Variants in MUC22 observed in about 807,000 individuals in gnomAD.
MUC22 encodes mucin 22, also known as mucin-22.
A neutral mutation model predicts 40.3 loss-of-function variants in MUC22; 24 were observed. The ratio of observed to expected loss-of-function variants is 0.60; its 90% CI spans 0.43 to 0.84. The LOEUF (loss-of-function observed/expected upper bound fraction) is 0.84. Among genes scored for constraint, MUC22 ranks in the 40% least tolerant of loss-of-function variants. The probability of loss-of-function intolerance (pLI) is 0.00; values close to 1 mark genes in which losing one functional copy is unlikely to be tolerated. For synonymous variants in MUC22, 765 were observed against 844.5 expected (o/e 0.91, Z 1.63); for missense variants, 1,926 against 2,130.7 (o/e 0.90, Z 1.89).
At chr6:31,033,292 TGAGA>T (rs1766209367) in intron 3 of MUC22, among the ~76,000 whole-genome samples, 1 of 132,186 alleles carries the variant, frequency 7.6e-6, no homozygotes, top group African/African-American at 2.9e-5. Context: ...AGAAAGAAAC[TGAGA>T]GAGAAAGAGA....
At chr6:31,027,917 C>T in exon 2 of MUC22, 1 of 1,535,090 alleles carries the variant, frequency 6.5e-7, no homozygotes, top group African/African-American at 1.4e-5. Flanking sequence ...ACCACAGACT[C>T]TACTGAAGGC....
chr6:31,018,714 T>C (rs9262493), intron 1 of MUC22, among the ~76,000 whole-genome samples: 22,106 of 152,340 alleles, frequency 0.15, 1,760 homozygotes, highest in African/African-American at 0.19. Context: ...CACTTCCATA[T>C]TGTCTCTGAA....
chr6:31,025,647 C>A lies in MUC22; in HGVS notation c.216C>A (p.Gly72=), dbSNP rs1312309382. 2.0e-6 allele frequency: 3 copies of A among 1,532,990 alleles called. No homozygotes were observed. The African/African-American group carries it at 4.1e-5, about 21-fold the overall frequency. The allele number at this position is 1,532,990 out of a possible 1,614,324, so 95.0% of individuals were successfully genotyped here. A position where few individuals can be genotyped will look rare whatever the true frequency, so the allele number is the denominator to read the frequency against. Residue 72 remains glycine (G), a synonymous_variant, in exon 2 of 4, where the codon GGC becomes GGA. Coordinates refer to ENST00000561890, the Ensembl canonical transcript of MUC22. Reference sequence around the variant, plus strand: ...AGATCACCACAGACTCTACCACAGGCTCTGAGACAACCTCAGCCTCCACCA... The same window carrying A: ...AGATCACCACAGACTCTACCACAGGATCTGAGACAACCTCAGCCTCCACCA...
At chr6:31,027,806 G>T (rs1324065470) in exon 2 of MUC22, 2 of 1,533,752 alleles carry the variant, frequency 1.3e-6, no homozygotes, top group Non-Finnish European at 8.7e-7. Context: ...TCCACCACAG[G>T]CTCTGAGACC....
exon 4 of MUC22, chr6:31,035,082 T>A: frequency 2.3e-6 from 2 of 884,250 alleles, no homozygotes; most frequent in Non-Finnish European, 3.3e-6. Flanking sequence ...ATGAAATAAT[T>A]AAAATGGAGC....
intron 1 of MUC22, 53 bp from the exon 2 acceptor site, chr6:31,025,449 C>T: frequency 1.4e-6 from 2 of 1,444,512 alleles, no homozygotes; most frequent in Admixed American, 2.8e-5. Context: ...TATACTAAAC[C>T]TGCAAATTCA....
intron 1 of MUC22, among the ~76,000 whole-genome samples, chr6:31,015,565 T>C (rs1475311180): frequency 6.7e-6 from 1 of 149,000 alleles, no homozygotes; most frequent in Admixed American, 6.6e-5. Flanking sequence ...AAATGTCTTA[T>C]TCCACCCTCA....
At chr6:31,030,140 A>T in intron 2 of MUC22, 40 bp downstream of exon 2, 1 of 1,470,454 alleles carries the variant, frequency 6.8e-7, no homozygotes, top group Non-Finnish European at 9.0e-7. Flanking sequence ...ACACATTTTA[A>T]CTCCAGTGGC....
chr6:31,025,599 T>C, exon 2 of MUC22: 1 of 1,520,152 alleles, frequency 6.6e-7, no homozygotes, highest in South Asian at 1.2e-5. Flanking sequence ...TGGCCTCTAC[T>C]TCGGCCTTAA....
Position 31,032,599 on chromosome 6 carries a change from G to C in MUC22, c.5055+18G>C. ...TTTGTCTGGTGAGTACCCAGGGTGG[G>C]TTCATAGGGGAGCCTGGCAAGAAGG... On this transcript the variant is annotated intron_variant, in intron 3 of 3. Transcript: ENST00000561890. This position sits in a 1 kb window ranked among gnomAD's most constrained non-coding sequence, Gnocchi z 4.1. 1 of 1,517,720 alleles carries C rather than the reference G, an allele frequency of 6.6e-7. No individual in the cohort carries two copies. The highest frequency in any genetic ancestry group is 8.8e-7 in the Non-Finnish European group (1 of 1,136,510). The allele number at this position is 1,517,720 out of a possible 1,614,324, so 94.0% of individuals were successfully genotyped here. A position where few individuals can be genotyped will look rare whatever the true frequency, so the allele number is the denominator to read the frequency against.
chr6:31,021,648 C>T (rs1476661834), intron 1 of MUC22, among the ~76,000 whole-genome samples: 2 of 151,964 alleles, frequency 1.3e-5, no homozygotes, highest in African/African-American at 4.8e-5. Context: ...CCTTGGAGGA[C>T]CTCTGTGTCC....
chr6:31,027,775 G>GTT lies in MUC22; in HGVS notation c.2344_2345insTT (p.Gly782ValfsTer35). On this transcript the variant is annotated frameshift_variant, in exon 2 of 4. Transcript: ENST00000561890. LOFTEE classifies it high-confidence loss of function. ...TGAGATGACCACAGTCTCTACTGAAGGCTCTGAGAACACTACAGTCTCCAC... is the reference window on the plus strand; with the variant it reads ...TGAGATGACCACAGTCTCTACTGAAGTTGCTCTGAGAACACTACAGTCTCCAC... 3 of 1,531,726 alleles carry GTT rather than the reference G, an allele frequency of 2.0e-6. No homozygotes were observed. Among genetic ancestry groups the GTT allele is most frequent in the Non-Finnish European group, 2.6e-6 (3 of 1,144,606 alleles). 94.9% of individuals were successfully genotyped at this position (1,531,726 alleles called of 1,614,324 possible). A position where few individuals can be genotyped will look rare whatever the true frequency, so the allele number is the denominator to read the frequency against.
upstream of MUC22, among the ~76,000 whole-genome samples, chr6:31,006,691 G>A (rs9262456): frequency 0.15 from 22,411 of 152,030 alleles, 1,712 homozygotes; most frequent in Admixed American, 0.2. Flanking sequence ...TGTGATATAT[G>A]TATAGCAGTA....
Position 31,032,057 on chromosome 6 carries a change from C to A in MUC22, c.4670-139C>A. 1.1e-6 allele frequency: 1 copy of A among 895,056 alleles called. No homozygotes were observed. Among genetic ancestry groups the A allele is most frequent in the Non-Finnish European group, 1.6e-6 (1 of 606,758 alleles). The allele number at this position is 895,056 out of a possible 1,614,324, so 55.4% of individuals were successfully genotyped here. ...CCACAGCAGAATCGCTTTCTACCAT[C>A]TCTCCTCCCCCACCACACCTCTCCT... On this transcript the variant is annotated intron_variant, in intron 2 of 3. Coordinates refer to ENST00000561890, the Ensembl canonical transcript of MUC22. This position sits in a 1 kb window ranked among gnomAD's most constrained non-coding sequence, Gnocchi z 4.1.
rs981298134 is a variant in MUC22, at chr6:31,032,038, C to A, written c.4670-158C>A. Among the ~76,000 whole-genome samples the A allele has an allele frequency of 3.9e-5, 6 of 152,158 alleles. No homozygotes were observed. Among genetic ancestry groups the A allele is most frequent in the African/African-American group, 1.4e-4 (6 of 41,430 alleles). ...CTGCATTCTGGGGACATGGCCACAG[C>A]AGAATCGCTTTCTACCATCTCTCCT... On this transcript the variant is annotated intron_variant, in intron 2 of 3. Coordinates refer to ENST00000561890, the Ensembl canonical transcript of MUC22. This position sits in a 1 kb window ranked among gnomAD's most constrained non-coding sequence, Gnocchi z 4.1.
At chr6:31,028,678 G>A (rs1765679463) in exon 2 of MUC22, 1 of 1,532,656 alleles carries the variant, frequency 6.5e-7, no homozygotes, top group East Asian at 2.5e-5. Flanking sequence ...TGCAGGCTCT[G>A]AGACCATCCC....
intron 1 of MUC22, among the ~76,000 whole-genome samples, chr6:31,013,423 G>A (rs912451704): frequency 9.3e-5 from 14 of 150,694 alleles, no homozygotes; most frequent in African/African-American, 3.2e-4. Context: ...TACCGGGCCT[G>A]GCCCCTCACC....
At chr6:31,025,698 A>G in exon 2 of MUC22, 2 of 1,530,000 alleles carry the variant, frequency 1.3e-6, no homozygotes, top group Non-Finnish European at 1.8e-6. Context: ...CCTTCACCAC[A>G]GGCTCTGAGA....
chr6:31,029,469 C>T (rs766511203), exon 2 of MUC22: 1 of 1,534,372 alleles, frequency 6.5e-7, no homozygotes, highest in South Asian at 1.2e-5. Flanking sequence ...CTGGGACCAC[C>T]ACAGCCTCTA....
Sources: allele counts gnomAD v4.1 joint callset (sites outside exome capture counted in the v4.1 genomes callset), GRCh38; gene constraint gnomAD v4.1.1; non-coding constraint Gnocchi (gnomAD v3.1); transcripts MANE v1.5; gene names NCBI Gene and HGNC (gene_info 2026-07-23, HGNC 2026-07-21).